Variants in CLASP1 observed in about 807,000 individuals in gnomAD.
CLASP1 encodes the protein CLIP-associating protein 1.
A neutral mutation model predicts 192.3 loss-of-function variants in CLASP1; 38 were observed. The observed-to-expected ratio is 0.20, with a 90% CI of 0.15 to 0.26. The LOEUF (loss-of-function observed/expected upper bound fraction) is 0.26. CLASP1 is among the 10% of genes least tolerant of loss of function. The pLI is 1.00. For synonymous variants in CLASP1, 691 were observed against 712.8 expected (o/e 0.97, Z 0.49); for missense variants, 1,433 against 1,932.5 (o/e 0.74, Z 4.85).
At chr2:121,610,052 C>T (rs542067758) in intron 1 of CLASP1, among the ~76,000 whole-genome samples, 49 of 152,270 alleles carry the variant, frequency 3.2e-4, no homozygotes, top group Non-Finnish European at 5.1e-4. Flanking sequence ...CCTGAATCTT[C>T]TAGGAAGGTT....
chr2:121,639,492 A>C (rs1403054451), intron 1 of CLASP1, among the ~76,000 whole-genome samples: 1 of 152,138 alleles, frequency 6.6e-6, no homozygotes, highest in Non-Finnish European at 1.5e-5. Flanking sequence ...GGATGATGGA[A>C]AAGATTTGGA....
chr2:121,459,565 A>C (rs2087451608), intron 12 of CLASP1: 1 of 156,566 alleles, frequency 6.4e-6, no homozygotes, highest in African/African-American at 2.4e-5. Context: ...TCACTAGTAC[A>C]CGTACAGCTA....
rs370345596 is a variant in CLASP1, at chr2:121,362,018, A to G, written c.4206+1154T>C. On this transcript the variant is annotated intron_variant, in intron 37 of 39. Transcript: ENST00000263710. ...AGGTCACATCAGTCACTGCTCAAGC[A>G]GTCACACAAACGCCAAACAGAACTA... Among the ~76,000 whole-genome samples the G allele has an allele frequency of 4.6e-5, 7 of 152,384 alleles. No individual in the cohort carries two copies. In the East Asian group the frequency reaches 1.2e-3, roughly 25 times the overall value.
At chr2:121,460,797 C>T (rs2087771333) in intron 11 of CLASP1, among the ~76,000 whole-genome samples, 1 of 152,064 alleles carries the variant, frequency 6.6e-6, no homozygotes, top group South Asian at 2.1e-4. Flanking sequence ...AAAAAGCCAC[C>T]TTAAAGGCAA....
chr2:121,427,313 G>C, intron 21 of CLASP1, 91 bp downstream of exon 21: 1 of 1,416,530 alleles, frequency 7.1e-7, no homozygotes, highest in Non-Finnish European at 9.7e-7. Context: ...TTACAATAAA[G>C]AGAGAAATTA....
At chr2:121,548,912 T>C (rs2057734685) in intron 2 of CLASP1, among the ~76,000 whole-genome samples, 1 of 152,062 alleles carries the variant, frequency 6.6e-6, no homozygotes, top group African/African-American at 2.4e-5. Flanking sequence ...CAAGAGATCT[T>C]GAAAGGAGCA....
chr2:121,492,666 A>T (rs978680158), intron 8 of CLASP1, among the ~76,000 whole-genome samples: 3 of 133,214 alleles, frequency 2.3e-5, no homozygotes, highest in African/African-American at 7.4e-5. Context: ...GACTACAATT[A>T]AAAAAAATAA....
chr2:121,477,121 T>A (rs907882402), intron 8 of CLASP1, among the ~76,000 whole-genome samples: 3 of 152,174 alleles, frequency 2.0e-5, no homozygotes, highest in African/African-American at 7.2e-5. Flanking sequence ...ATCTGTTTGG[T>A]CTCTCTGTCC....
intron 34 of CLASP1, among the ~76,000 whole-genome samples, chr2:121,375,813 G>A (rs940326009): frequency 6.6e-6 from 1 of 152,156 alleles, no homozygotes; most frequent in Non-Finnish European, 1.5e-5. Context: ...TGAGACTGGA[G>A]CTCTCAGAAA....
chr2:121,574,860 C>A (rs2105464718), intron 2 of CLASP1, among the ~76,000 whole-genome samples: 1 of 150,922 alleles, frequency 6.6e-6, no homozygotes, highest in Non-Finnish European at 1.5e-5. Context: ...TTGCTTGAAC[C>A]AGGACCCAGG....
rs192935134 is a variant in CLASP1 at position 121,450,250 on chromosome 2, G to A, written c.1523+663C>T. On this transcript the variant is annotated intron_variant, in intron 16 of 39. Coordinates refer to ENST00000263710, the Ensembl canonical transcript of CLASP1. ...GGAGGCTGAGGTAGGAGAATGACGA[G>A]AACCTGGGAGGTGGAGCTTGCAGTG... Among the ~76,000 whole-genome samples the A allele has an allele frequency of 4.1e-4, 62 of 151,856 alleles. No individual in the cohort carries two copies. The East Asian group carries it at 0.011, about 27-fold the overall frequency.
intron 4 of CLASP1, 106 bp from the exon 5 acceptor site, chr2:121,527,996 C>A: frequency 1.4e-6 from 1 of 726,456 alleles, no homozygotes. Flanking sequence ...AAATTAGTCC[C>A]ATCCTCTACC....
intron 30 of CLASP1, among the ~76,000 whole-genome samples, chr2:121,389,370 T>C (rs977069494): frequency 6.6e-6 from 1 of 152,130 alleles, no homozygotes; most frequent in Non-Finnish European, 1.5e-5. Flanking sequence ...AAGGAATCTA[T>C]TTCACCAATT....
intron 2 of CLASP1, among the ~76,000 whole-genome samples, chr2:121,579,417 A>G (rs943598384): frequency 6.6e-6 from 1 of 152,220 alleles, no homozygotes; most frequent in African/African-American, 2.4e-5. Flanking sequence ...TGCAGCCATC[A>G]CCACTAATTC....
chr2:121,365,333 A>G (rs369467758), intron 35 of CLASP1, 49 bp from the exon 37 acceptor site: 203 of 1,534,268 alleles, frequency 1.3e-4, no homozygotes, highest in Non-Finnish European at 1.7e-4. Context: ...AATGCCCAGC[A>G]CAGGGGCTTG....
intron 39 of CLASP1, among the ~76,000 whole-genome samples, chr2:121,345,897 G>T (rs551966040): frequency 5.9e-5 from 9 of 152,328 alleles, no homozygotes; most frequent in African/African-American, 1.9e-4. Flanking sequence ...GGTCAGAGAT[G>T]CTGCTTAAAC....
At chr2:121,530,873 C>T (rs376053483) in intron 2 of CLASP1, 116 of 683,854 alleles carry the variant, frequency 1.7e-4, no homozygotes, top group Admixed American at 6.3e-4. Flanking sequence ...CAGGGACTTT[C>T]TATTATAACC....
intron 1 of CLASP1, among the ~76,000 whole-genome samples, chr2:121,649,134 C>G (rs900335048): frequency 6.6e-6 from 1 of 152,186 alleles, no homozygotes; most frequent in African/African-American, 2.4e-5. Context: ...GGCCGATCCC[C>G]TCCCTCTGCA....
chr2:121,462,358 T>C (rs139843539), intron 10 of CLASP1, among the ~76,000 whole-genome samples, 174 bp downstream of exon 10: 35 of 152,340 alleles, frequency 2.3e-4, no homozygotes, highest in African/African-American at 7.2e-4. Context: ...AAAGATTATC[T>C]TGGGCCTTGA....
Sources: allele counts gnomAD v4.1 joint callset (sites outside exome capture counted in the v4.1 genomes callset), GRCh38; gene constraint gnomAD v4.1.1; transcripts MANE v1.5; gene names NCBI Gene and HGNC (gene_info 2026-07-23, HGNC 2026-07-21).